Variants in PAX2 observed in about 807,000 individuals in gnomAD.
PAX2 encodes paired box protein Pax-2.
In PAX2, 9 loss-of-function variants were observed where a neutral mutation model predicts 41.7. The ratio of observed to expected loss-of-function variants is 0.22; its 90% CI spans 0.13 to 0.38. The LOEUF (loss-of-function observed/expected upper bound fraction) is 0.38, where lower values mean the gene tolerates loss of function less well. Ranked by LOEUF, PAX2 falls within the 10% of genes least tolerant of loss-of-function variation. The pLI is 1.00. For synonymous variants in PAX2, 221 were observed against 212.7 expected (o/e 1.04, Z -0.34); for missense variants, 418 against 531.6 (o/e 0.79, Z 2.10).
At position 100,750,576 on chromosome 10, in the gene PAX2, T is replaced by C; in HGVS notation, c.213-118T>C. 1.1e-6 allele frequency: 1 copy of C among 888,774 alleles called. No homozygotes were observed. The highest frequency in any genetic ancestry group is 2.1e-5 in the Admixed American group (1 of 47,242). The allele number at this position is 888,774 out of a possible 1,614,324, so 55.1% of individuals were successfully genotyped here. A position where few individuals can be genotyped will look rare whatever the true frequency, so the allele number is the denominator to read the frequency against. ...GTCAGCTCAGCCACACTGGGCCTTT[T>C]CCCTCCACTCCGCTGCCTCGGCCGG... On this transcript the variant is annotated intron_variant, in intron 2 of 9. Transcript: ENST00000355243. The surrounding 1 kb of genome is among the most constrained non-coding windows in gnomAD (Gnocchi z 4.1).
Position 100,791,452 on chromosome 10 carries a change from G to A in PAX2, c.616+10087G>A, listed in dbSNP as rs1478330442. ...TGATCCAGACAGCAGACAAGGGGAG[G>A]GAAGAGAAGCCAGAGGAAAGCAGCT... On this transcript the variant is annotated intron_variant, in intron 5 of 9. Transcript: ENST00000355243. This position sits in a 1 kb window ranked among gnomAD's most constrained non-coding sequence, Gnocchi z 4.5. Among the ~76,000 whole-genome samples the A allele has an allele frequency of 1.3e-5, 2 of 152,184 alleles. No homozygotes were observed. Among genetic ancestry groups the A allele is most frequent in the African/African-American group, 4.8e-5 (2 of 41,440 alleles).
chr10:100,808,742 G>C (rs1053559099), intron 6 of PAX2, among the ~76,000 whole-genome samples: 3 of 152,174 alleles, frequency 2.0e-5, no homozygotes, highest in Non-Finnish European at 2.9e-5. Context: ...GGCTCTGCCA[G>C]TCATGTCATG....
At chr10:100,805,381 C>T (rs1350157357) in intron 5 of PAX2, among the ~76,000 whole-genome samples, 2 of 152,154 alleles carry the variant, frequency 1.3e-5, no homozygotes, top group Admixed American at 1.3e-4. Context: ...CTCAGCTGGT[C>T]TTGGGCTGAG....
In PAX2 at chr10:100,828,110, G is replaced by A. The variant is rs1243981284; in HGVS notation, c.*491G>A. On this transcript the variant is annotated 3_prime_UTR_variant, in exon 10 of 10. Coordinates refer to ENST00000355243, the MANE Select transcript of PAX2 (RefSeq NM_000278.5). The surrounding 1 kb of genome is among the most constrained non-coding windows in gnomAD (Gnocchi z 6.5). Reference sequence around the variant, plus strand: ...TTCGCTGGAGGGGCTGGGCCAAGGAGATTAAGAAGAAAACGACTTTCTGCA... The same window carrying A: ...TTCGCTGGAGGGGCTGGGCCAAGGAAATTAAGAAGAAAACGACTTTCTGCA... 4.4e-6 allele frequency: 1 copy of A among 229,238 alleles called. No individual in the cohort carries two copies. Among genetic ancestry groups the A allele is most frequent in the Admixed American group, 5.7e-5 (1 of 17,540 alleles). The allele number at this position is 229,238 out of a possible 1,614,324, so 14.2% of individuals were successfully genotyped here. A position where few individuals can be genotyped will look rare whatever the true frequency, so the allele number is the denominator to read the frequency against.
At chr10:100,786,251 G>A (rs932981875) in intron 5 of PAX2, among the ~76,000 whole-genome samples, 2 of 152,154 alleles carry the variant, frequency 1.3e-5, no homozygotes, top group South Asian at 2.1e-4. Context: ...TTGGGAGAAC[G>A]TTTGTCCATT....
chr10:100,735,546 C>A (rs1284809574), exon 1 of PAX2: 4 of 428,938 alleles, frequency 9.3e-6, no homozygotes, highest in Non-Finnish European at 1.3e-5. Flanking sequence ...AGCACACAGC[C>A]GTGGCGGCGG....
At chr10:100,759,805 G>T (rs915975305) in intron 3 of PAX2, among the ~76,000 whole-genome samples, 1 of 152,184 alleles carries the variant, frequency 6.6e-6, no homozygotes, top group African/African-American at 2.4e-5. Context: ...AACAAAAGTG[G>T]CCCCTGAGCA....
In PAX2 at chr10:100,827,880, C is replaced by T. The variant is rs1452703856; in HGVS notation, c.*261C>T. On this transcript the variant is annotated 3_prime_UTR_variant, in exon 10 of 10. Transcript: ENST00000355243. The surrounding 1 kb of genome is among the most constrained non-coding windows in gnomAD (Gnocchi z 8.5). ...CCCGCCTGCCGCCCCTCCCCGCCTGCCTGGACTGCGCGGCGCCGTGAGGGG... is the reference window on the plus strand; with the variant it reads ...CCCGCCTGCCGCCCCTCCCCGCCTGTCTGGACTGCGCGGCGCCGTGAGGGG... 1.9e-6 allele frequency: 1 copy of T among 537,114 alleles called. No homozygotes were observed. Among genetic ancestry groups the T allele is most frequent in the Non-Finnish European group, 3.3e-6 (1 of 304,914 alleles). 33.3% of individuals were successfully genotyped at this position (537,114 alleles called of 1,614,324 possible).
At chr10:100,745,384 T>G (rs1314955159), upstream of PAX2, among the ~76,000 whole-genome samples, 1 of 110,670 alleles carries the variant, frequency 9.0e-6, no homozygotes, top group African/African-American at 3.4e-5. Flanking sequence ...TCCCCTGCCC[T>G]CCCCTAGCCG....
At chr10:100,779,822 C>A (rs1846540730) in intron 4 of PAX2, among the ~76,000 whole-genome samples, 2 of 150,086 alleles carry the variant, frequency 1.3e-5, no homozygotes, top group African/African-American at 4.9e-5. Context: ...CAGTCCCTAT[C>A]CTCTCCCCTC....
upstream of PAX2, among the ~76,000 whole-genome samples, chr10:100,742,360 G>A (rs2133815938): frequency 6.6e-6 from 1 of 150,756 alleles, no homozygotes; most frequent in African/African-American, 2.4e-5. Flanking sequence ...GGTGCGGGGT[G>A]CCTATCCGCC....
At chr10:100,747,838 C>T (rs996088995) in intron 1 of PAX2, 1 of 985,072 alleles carries the variant, frequency 1.0e-6, no homozygotes, top group Non-Finnish European at 1.2e-6. Context: ...CGTTTTCGCC[C>T]AGCCAGCCTG....
Position 100,746,100 on chromosome 10 carries a change from C to A in PAX2, c.-161C>A. 4 of 1,545,108 alleles carry A rather than the reference C, an allele frequency of 2.6e-6. No individual in the cohort carries two copies. The highest frequency in any genetic ancestry group is 2.4e-5 in the South Asian group (2 of 82,368). On this transcript the variant is annotated 5_prime_UTR_variant, in exon 1 of 10. Coordinates refer to ENST00000355243, the MANE Select transcript of PAX2 (RefSeq NM_000278.5). ...AACCCGGAGGAGCCCCAGCGGGGAG[C>A]GCAGTGCTGCGCCCCCCGCCCCCGC...
At position 100,827,733 on chromosome 10, in the gene PAX2, A is replaced by C. The variant is rs766961457; in HGVS notation, c.*114A>C. ...CGACGCGACGCGATGCCTCCCGGCC[A>C]CCGCCCCAGCCTCACCCCATCCCAC... On this transcript the variant is annotated 3_prime_UTR_variant, in exon 10 of 10. Transcript: ENST00000355243. This position sits in a 1 kb window ranked among gnomAD's most constrained non-coding sequence, Gnocchi z 8.5. The C allele has an allele frequency of 1.3e-6, 2 of 1,581,394 alleles. No individual in the cohort carries two copies.
chr10:100,824,067 C>T lies in PAX2; in HGVS notation c.920-581C>T, dbSNP rs1205222574. On this transcript the variant is annotated intron_variant, in intron 7 of 9. Coordinates refer to ENST00000355243, the MANE Select transcript of PAX2 (RefSeq NM_000278.5). The surrounding 1 kb of genome is among the most constrained non-coding windows in gnomAD (Gnocchi z 6.6). Reference sequence around the variant, plus strand: ...CACTAACAGCAAAATAGCCCACTGGCTGCCCCCCTGCTCTCCACACCTGCC... The same window carrying T: ...CACTAACAGCAAAATAGCCCACTGGTTGCCCCCCTGCTCTCCACACCTGCC... 2.0e-5 allele frequency among the ~76,000 whole-genome samples: 3 copies of T among 152,104 alleles called. No individual in the cohort carries two copies. Among genetic ancestry groups the T allele is most frequent in the Non-Finnish European group, 1.5e-5 (1 of 68,016 alleles).
intron 3 of PAX2, among the ~76,000 whole-genome samples, chr10:100,751,683 C>T (rs774111209): frequency 6.6e-6 from 1 of 152,158 alleles, no homozygotes; most frequent in Non-Finnish European, 1.5e-5. Context: ...AGTGTGCTCT[C>T]GGGGAGAACA....
intron 1 of PAX2, chr10:100,747,852 C>T: frequency 1.0e-6 from 1 of 984,906 alleles, no homozygotes. Context: ...CAGCCTGCCT[C>T]GCGGCCCGCT....
rs371427478 is a variant in PAX2, at chr10:100,758,301, C to T, written c.410+7410C>T. On this transcript the variant is annotated intron_variant, in intron 3 of 9. Transcript: ENST00000355243. ...GACTATAGGCGCCCACCACCACGCC[C>T]GGCTAATTTTTTGTATTTTTAGTAG... Among the ~76,000 whole-genome samples the T allele has an allele frequency of 9.2e-5, 14 of 152,156 alleles. No homozygotes were observed. The South Asian group carries it at 1.0e-3, about 11-fold the overall frequency.
At position 100,770,066 on chromosome 10, in the gene PAX2, CAGAG is replaced by C. The variant is rs553467122; in HGVS notation, c.411-9430_411-9427del. Among the ~76,000 whole-genome samples the C allele has an allele frequency of 1.3e-3, 202 of 152,268 alleles. 1 individual carries two copies. Among genetic ancestry groups the C allele is most frequent in the African/African-American group, 4.7e-3 (197 of 41,524 alleles). Reference sequence around the variant, plus strand: ...AGCCAGATCACATTCTTTCAGGAGACAGAGAAAGACTGACGGACTGTTTTTGAAT... The same window carrying C: ...AGCCAGATCACATTCTTTCAGGAGACAAAGACTGACGGACTGTTTTTGAAT... On this transcript the variant is annotated intron_variant, in intron 3 of 9. Transcript: ENST00000355243.
Sources: allele counts gnomAD v4.1 joint callset (sites outside exome capture counted in the v4.1 genomes callset), GRCh38; gene constraint gnomAD v4.1.1; non-coding constraint Gnocchi (gnomAD v3.1); transcripts MANE v1.5; gene names NCBI Gene and HGNC (gene_info 2026-07-23, HGNC 2026-07-21).